The following SLC7A11 variants were observed in gnomAD, a reference collection of about 807,000 sequenced individuals.
SLC7A11 encodes the protein cystine/glutamate transporter.
SLC7A11 carries 35 observed loss-of-function variants against 54.5 expected under a neutral mutation model. The observed-to-expected ratio is 0.64, with a 90% confidence interval of 0.49 to 0.85. The LOEUF (loss-of-function observed/expected upper bound fraction) is 0.85. SLC7A11 is among the 40% of genes least tolerant of loss of function. The pLI is 0.00. For missense variants in SLC7A11, 583 were observed against 618.1 expected, an observed-to-expected ratio of 0.94 and a Z score of 0.60; for synonymous variants, 230 against 225.2, an observed-to-expected ratio of 1.02 and a Z score of -0.19.
intron 1 of SLC7A11, 129 bp downstream of exon 1, chr4:138,241,663 AC>A (rs762519715): frequency 1.0e-5 from 7 of 700,308 alleles, no homozygotes; most frequent in Non-Finnish European, 1.7e-5. Context: ...ACGTACCCGA[AC>A]AAAAATTTTA....
intron 6 of SLC7A11, among the ~76,000 whole-genome samples, chr4:138,194,343 TC>T (rs761287051): frequency 1.3e-5 from 2 of 152,196 alleles, no homozygotes; most frequent in African/African-American, 2.4e-5. Flanking sequence ...AATGTTGTGA[TC>T]TTTTATCTTT....
rs1203215923 is a variant in SLC7A11 at position 138,183,202 on chromosome 4, C to T, written c.1019G>A (p.Arg340Lys). Residue 340 changes from arginine (R) to lysine (K), a missense_variant and splice_region_variant, in exon 8 of 12, where the codon AGG (arginine) becomes AAG (lysine). Coordinates refer to ENST00000280612, the MANE Select transcript of SLC7A11 (RefSeq NM_014331.4). ...TCTGGAAATACATGAACTCACTCAC[C>T]TGGAGACAGCAAACACACCACCGTT... ...SMNGGVFAVS[R>K]LFYVASREGH... 8 of 1,602,150 alleles carry T rather than the reference C, an allele frequency of 5.0e-6. No individual in the cohort carries two copies. The highest frequency in any genetic ancestry group is 6.8e-6 in the Non-Finnish European group (8 of 1,170,108).
Position 138,169,549 on chromosome 4 carries a change from A to G in SLC7A11, c.*2407T>C, listed in dbSNP as rs1736354887. 1 of 152,294 alleles carries G rather than the reference A, an allele frequency of 6.6e-6. No homozygotes were observed. The highest frequency in any genetic ancestry group is 1.9e-4 in the East Asian group (1 of 5,190). The allele number at this position is 152,294 out of a possible 1,614,324, so 9.4% of individuals were successfully genotyped here. On this transcript the variant is annotated 3_prime_UTR_variant, in exon 12 of 12. Coordinates refer to ENST00000280612, the MANE Select transcript of SLC7A11 (RefSeq NM_014331.4). ...ACTTTTAAAGAGAAATTCAAATCAA[A>G]AATAAATAAATTAAAGTCTGAGACC... is the stretch of plus-strand genomic sequence containing the variant.
intron 6 of SLC7A11, among the ~76,000 whole-genome samples, chr4:138,189,763 A>C (rs1297597416): frequency 6.6e-6 from 1 of 152,162 alleles, no homozygotes; most frequent in African/African-American, 2.4e-5. Context: ...TTGCAACTCT[A>C]TCATGGAGCA....
intron 3 of SLC7A11, among the ~76,000 whole-genome samples, chr4:138,228,489 T>C (rs1014592732): frequency 1.2e-4 from 19 of 152,086 alleles, no homozygotes; most frequent in African/African-American, 2.7e-4. Flanking sequence ...TCGGGCGCGA[T>C]GGCTCATGCC....
intron 6 of SLC7A11, among the ~76,000 whole-genome samples, chr4:138,197,609 A>G (rs1363717604): frequency 1.3e-5 from 2 of 152,078 alleles, no homozygotes; most frequent in Non-Finnish European, 2.9e-5. Flanking sequence ...CACTACCAAG[A>G]TAATTTGAAA....
At chr4:138,206,527 T>C (rs1409549333) in intron 6 of SLC7A11, among the ~76,000 whole-genome samples, 1 of 151,556 alleles carries the variant, frequency 6.6e-6, no homozygotes, top group African/African-American at 2.4e-5. Context: ...CATAGTGGAA[T>C]TGGAATCCTT....
At position 138,185,228 on chromosome 4, in the gene SLC7A11, T is replaced by G; in HGVS notation, c.808A>C (p.Ile270Leu). The G allele has an allele frequency of 6.2e-7, 1 of 1,612,766 alleles. No individual in the cohort carries two copies. ...ENPEKTIPLA[I>L]CISMAIVTIG... ...GTGACAATGGCCATGGATATACATATTGCAAGGGGAATGGTTCTGAAATGC... is the reference window on the plus strand; with the variant it reads ...GTGACAATGGCCATGGATATACATAGTGCAAGGGGAATGGTTCTGAAATGC... Residue 270 changes from isoleucine to leucine, a missense_variant, in exon 7 of 12, where the codon ATA becomes CTA. Ile to Leu is a conservative substitution (Grantham distance 5). Transcript: ENST00000280612.
At chr4:138,206,009 C>A (rs910057488) in intron 6 of SLC7A11, among the ~76,000 whole-genome samples, 1 of 151,876 alleles carries the variant, frequency 6.6e-6, no homozygotes, top group Non-Finnish European at 1.5e-5. Flanking sequence ...GGTTGCTAAC[C>A]AGCATAAGGA....
In SLC7A11 at chr4:138,228,602, C is replaced by A. The variant is rs552382543; in HGVS notation, c.520+3665G>T. Among the ~76,000 whole-genome samples the A allele has an allele frequency of 4.0e-5, 6 of 151,162 alleles. No homozygotes were observed. In the South Asian group the frequency reaches 1.3e-3, roughly 32 times the overall value. On this transcript the variant is annotated intron_variant, in intron 3 of 11. Coordinates refer to ENST00000280612, the MANE Select transcript of SLC7A11 (RefSeq NM_014331.4). ...TGAAACTCCGTCTCTACTAAAAATA[C>A]AAAAAAATTAGCAGGGCGTGATGGT...
At chr4:138,215,083 G>A (rs1323253120) in intron 5 of SLC7A11, among the ~76,000 whole-genome samples, 1 of 152,096 alleles carries the variant, frequency 6.6e-6, no homozygotes, top group African/African-American at 2.4e-5. Flanking sequence ...TAGCACACGA[G>A]CACAAAAGTG....
chr4:138,228,747 A>G (rs1738002672), intron 3 of SLC7A11, among the ~76,000 whole-genome samples: 1 of 128,102 alleles, frequency 7.8e-6, no homozygotes, highest in East Asian at 2.2e-4. Flanking sequence ...CGACAGAGCA[A>G]GACTCCGTCT....
chr4:138,232,893 A>T (rs1317681172), intron 2 of SLC7A11, among the ~76,000 whole-genome samples: 2 of 152,186 alleles, frequency 1.3e-5, no homozygotes, highest in Non-Finnish European at 2.9e-5. Flanking sequence ...TTTTTTCTGT[A>T]CAGACAAAAA....
intron 6 of SLC7A11, among the ~76,000 whole-genome samples, chr4:138,208,822 A>G (rs1242088662): frequency 2.6e-5 from 4 of 152,022 alleles, no homozygotes; most frequent in African/African-American, 9.7e-5. Flanking sequence ...TTCAATAGCA[A>G]TTGTTGTATT....
chr4:138,237,837 T>C lies in SLC7A11; in HGVS notation c.278-1386A>G, dbSNP rs1006612200. Among the ~76,000 whole-genome samples the C allele has an allele frequency of 1.2e-4, 17 of 140,158 alleles. No homozygotes were observed. In the East Asian group the frequency reaches 2.7e-3, roughly 22 times the overall value. The allele number at this position is 140,158 out of a possible 152,430, so 91.9% of individuals were successfully genotyped here. ...CACGATCTCTGCTCACTGCAACCTC[T>C]GTCTCCAGGGTTCAAGTGATTCTCC... On this transcript the variant is annotated intron_variant, in intron 1 of 11. Transcript: ENST00000280612.
At chr4:138,181,308 C>T (rs1736735488) in intron 9 of SLC7A11, among the ~76,000 whole-genome samples, 2 of 151,918 alleles carry the variant, frequency 1.3e-5, no homozygotes, top group South Asian at 2.1e-4. Flanking sequence ...AAACATTGAC[C>T]TTTTTTCCTC....
intron 6 of SLC7A11, among the ~76,000 whole-genome samples, chr4:138,190,924 TTG>T (rs1736994907): frequency 6.6e-6 from 1 of 152,120 alleles, no homozygotes; most frequent in African/African-American, 2.4e-5. Context: ...ACACATTTCT[TTG>T]TGTGTTTTCA....
intron 6 of SLC7A11, among the ~76,000 whole-genome samples, chr4:138,197,152 G>C (rs1737157697): frequency 6.6e-6 from 1 of 152,070 alleles, no homozygotes; most frequent in Non-Finnish European, 1.5e-5. Context: ...TGTAGTGAAG[G>C]ATTCTTTCTC....
chr4:138,201,140 C>A (rs1471744698), intron 6 of SLC7A11, among the ~76,000 whole-genome samples: 1 of 152,052 alleles, frequency 6.6e-6, no homozygotes, highest in African/African-American at 2.4e-5. Flanking sequence ...TTTAATATCT[C>A]ATTTTGTGTT....
Sources: gnomAD v4.1 joint callset for allele counts (sites outside exome capture counted in the v4.1 genomes callset) on GRCh38, gnomAD v4.1.1 for gene constraint, MANE v1.5 for transcripts, NCBI Gene and HGNC (gene_info 2026-07-23, HGNC 2026-07-21) for gene names.